The following HIRA variants were observed in gnomAD, a reference collection of about 807,000 sequenced individuals.
The protein encoded by HIRA is protein HIRA.
In HIRA, 13 loss-of-function variants were observed where a neutral mutation model predicts 126.6. That is an observed-to-expected ratio of 0.10 (90% CI 0.07 to 0.16). The LOEUF is 0.16. HIRA is among the 10% of genes least tolerant of loss of function. The pLI is 1.00. For missense variants in HIRA, 834 were observed against 1,314.4 expected (o/e 0.63, Z 5.65); for synonymous variants, 511 against 520.0 (o/e 0.98, Z 0.24).
At chr22:19,420,603 C>T (rs1318960159) in intron 1 of HIRA, among the ~76,000 whole-genome samples, 1 of 151,894 alleles carries the variant, frequency 6.6e-6, no homozygotes, top group Non-Finnish European at 1.5e-5. Context: ...AGAGGTATTC[C>T]CTAAAAAGTA....
intron 8 of HIRA, among the ~76,000 whole-genome samples, chr22:19,393,716 T>G (rs188172965): frequency 3.6e-4 from 55 of 152,364 alleles, no homozygotes; most frequent in Admixed American, 1.3e-3. Flanking sequence ...GGGTCTTGGA[T>G]GATCCTTCAC....
At chr22:19,400,599 A>C (rs1433366182) in intron 5 of HIRA, among the ~76,000 whole-genome samples, 1 of 152,140 alleles carries the variant, frequency 6.6e-6, no homozygotes, top group Non-Finnish European at 1.5e-5. Flanking sequence ...ATTTTCTCCT[A>C]AACTCCCAGT....
intron 24 of HIRA, among the ~76,000 whole-genome samples, chr22:19,346,088 C>T (rs2088683554): frequency 6.6e-6 from 1 of 152,222 alleles, no homozygotes; most frequent in Non-Finnish European, 1.5e-5. Context: ...TGAAATGATG[C>T]TCTCCTAACA....
intron 15 of HIRA, among the ~76,000 whole-genome samples, chr22:19,364,383 A>G (rs1021990912): frequency 1.1e-4 from 16 of 152,176 alleles, no homozygotes; most frequent in African/African-American, 3.9e-4. Flanking sequence ...GCTTTACTTC[A>G]CTGTGCTTCG....
chr22:19,421,716 G>T (rs1162332489), intron 1 of HIRA, among the ~76,000 whole-genome samples: 1 of 152,080 alleles, frequency 6.6e-6, no homozygotes, highest in African/African-American at 2.4e-5. Flanking sequence ...CTGTCACCCA[G>T]GCTGGACCGC....
At chr22:19,399,936 AAAC>A (rs2089254203) in intron 5 of HIRA, among the ~76,000 whole-genome samples, 1 of 152,210 alleles carries the variant, frequency 6.6e-6, no homozygotes, top group South Asian at 2.1e-4. Context: ...AAAATGAAGA[AAAC>A]AACAACTTTC....
rs2089237351 is a variant in HIRA, at chr22:19,398,054, G to A, written c.431C>T (p.Ala144Val). The A allele has an allele frequency of 1.2e-6, 2 of 1,613,954 alleles. No individual in the cohort carries two copies. The highest frequency in any genetic ancestry group is 1.7e-5 in the Admixed American group (1 of 60,004). Residue 144 changes from alanine (A) to valine (V), a missense_variant, in exon 6 of 25, where the codon GCC becomes GTC. Around this residue, in one of 5 missense-constraint regions of HIRA, gnomAD observed 102 missense variants for 191.4 expected, o/e 0.53. Transcript: ENST00000263208. ...ATCCACGCTGCATGAGGCTAGCCAG[G>A]CATCGTGGGGAGACCATGCTACATC... ...VMDVAWSPHD[A>V]WLASCSVDNT...
chr22:19,365,419 C>T (rs1433370234), intron 15 of HIRA, among the ~76,000 whole-genome samples: 1 of 152,150 alleles, frequency 6.6e-6, no homozygotes, highest in Non-Finnish European at 1.5e-5. Context: ...GAAGTGAATG[C>T]AGCTGGTGAT....
chr22:19,379,166 C>T (rs1218650076), intron 13 of HIRA, among the ~76,000 whole-genome samples: 1 of 151,626 alleles, frequency 6.6e-6, no homozygotes, highest in African/African-American at 2.4e-5. Flanking sequence ...TATCCCGCCA[C>T]CATGCCCGGC....
intron 1 of HIRA, among the ~76,000 whole-genome samples, chr22:19,418,746 G>A (rs1234422046): frequency 6.6e-6 from 1 of 152,082 alleles, no homozygotes; most frequent in Non-Finnish European, 1.5e-5. Context: ...ACATACACAC[G>A]CACAAATAAG....
chr22:19,403,099 C>A (rs1228415639), intron 5 of HIRA, among the ~76,000 whole-genome samples: 3 of 120,060 alleles, frequency 2.5e-5, no homozygotes, highest in African/African-American at 1.2e-4. Flanking sequence ...GAGACACAGT[C>A]TCAAAAAAAA....
At chr22:19,407,859 G>A (rs920506416) in intron 3 of HIRA, among the ~76,000 whole-genome samples, 1 of 152,168 alleles carries the variant, frequency 6.6e-6, no homozygotes, top group East Asian at 1.9e-4. Flanking sequence ...GAGCCTCCAA[G>A]AGCACTCACA....
rs1310229714 is a variant in HIRA, at chr22:19,405,863, G to A, written c.320C>T (p.Thr107Ile). ...WKRATYIGPS[T>I]VFGSSGKLAN... ...AAGCTTACCACTGGAGCCGAACACG[G>A]TGCTGGGGCCGATGTACCTGTGTGA... Residue 107 changes from threonine to isoleucine, a missense_variant, in exon 5 of 25, where the codon ACC (threonine) becomes ATC (isoleucine). By Grantham distance (89) the Thr-to-Ile change is moderately conservative. Transcript: ENST00000263208. The A allele has an allele frequency of 6.7e-7, 1 of 1,501,136 alleles. No individual in the cohort carries two copies. Among genetic ancestry groups the A allele is most frequent in the Non-Finnish European group, 8.9e-7 (1 of 1,117,880 alleles). 93.0% of individuals were successfully genotyped at this position (1,501,136 alleles called of 1,614,324 possible).
At chr22:19,350,641 CCT>C (rs1158817999) in intron 24 of HIRA, among the ~76,000 whole-genome samples, 2 of 152,234 alleles carry the variant, frequency 1.3e-5, no homozygotes, top group African/African-American at 2.4e-5. Context: ...GAAGATACTC[CCT>C]GACTGTTTTT....
chr22:19,381,472 A>G (rs1419414678), intron 13 of HIRA, among the ~76,000 whole-genome samples: 3 of 152,228 alleles, frequency 2.0e-5, no homozygotes, highest in African/African-American at 4.8e-5. Flanking sequence ...ACCTATTCCC[A>G]TTTAACTGAG....
intron 15 of HIRA, among the ~76,000 whole-genome samples, chr22:19,363,589 G>A (rs1454457492): frequency 6.6e-6 from 1 of 152,196 alleles, no homozygotes; most frequent in African/African-American, 2.4e-5. Flanking sequence ...ATGAAGCACA[G>A]AATTTTTAAG....
chr22:19,407,308 C>A (rs1410295394), intron 3 of HIRA, 34 bp from the exon 4 acceptor site: 1 of 1,528,612 alleles, frequency 6.5e-7, no homozygotes, highest in South Asian at 1.1e-5. Flanking sequence ...GATGAAAATC[C>A]AGTAGTCATG....
At position 19,376,807 on chromosome 22, in the gene HIRA, G is replaced by A. The variant is rs2089023170; in HGVS notation, c.1614-1015C>T. Reference sequence around the variant, plus strand: ...GAGAATTGCTCTGACGGTATCAGCTGTATCCCAGAAGCAGGGGGCTGCAGT... The same window carrying A: ...GAGAATTGCTCTGACGGTATCAGCTATATCCCAGAAGCAGGGGGCTGCAGT... On this transcript the variant is annotated intron_variant, in intron 14 of 24. Transcript: ENST00000263208. Among the ~76,000 whole-genome samples the A allele has an allele frequency of 1.3e-5, 2 of 152,200 alleles. 1 individual carries two copies. The highest frequency in any genetic ancestry group is 4.1e-4 in the South Asian group (2 of 4,830).
chr22:19,365,640 G>C (rs1239012390), intron 15 of HIRA: 2 of 152,234 alleles, frequency 1.3e-5, no homozygotes, highest in Non-Finnish European at 2.9e-5. Context: ...AATGCACTTG[G>C]TCAACCAAGA....
Sources: allele counts gnomAD v4.1 joint callset (sites outside exome capture counted in the v4.1 genomes callset), GRCh38; gene constraint gnomAD v4.1.1; regional missense constraint gnomAD v4.1.1; transcripts MANE v1.5; gene names NCBI Gene and HGNC (gene_info 2026-07-23, HGNC 2026-07-21).